The following ZC3H14 variants were observed in gnomAD, a reference collection of about 807,000 sequenced individuals.
ZC3H14 encodes zinc finger CCCH-type containing 14, also known as zinc finger CCCH domain-containing protein 14.
A neutral mutation model predicts 92.4 loss-of-function variants in ZC3H14; 31 were observed. The ratio of observed to expected loss-of-function variants is 0.34; its 90% CI spans 0.25 to 0.45. The LOEUF (loss-of-function observed/expected upper bound fraction) is 0.45, where lower values mean the gene tolerates loss of function less well. ZC3H14 is among the 20% of genes least tolerant of loss of function. ZC3H14 has a pLI of 1.00. For missense variants in ZC3H14, 781 were observed against 897.3 expected, an observed-to-expected ratio of 0.87 and a Z score of 1.66; for synonymous variants, 321 against 300.9, an observed-to-expected ratio of 1.07 and a Z score of -0.69.
chr14:88,574,881 C>T, intron 7 of ZC3H14, 28 bp downstream of exon 7: 1 of 1,613,890 alleles, frequency 6.2e-7, no homozygotes, highest in East Asian at 2.2e-5. Flanking sequence ...GTAAATTAAT[C>T]TTTAACTGCC....
intron 6 of ZC3H14, chr14:88,573,842 C>G (rs1480233764): frequency 6.6e-6 from 1 of 152,314 alleles, no homozygotes; most frequent in Non-Finnish European, 1.5e-5. Context: ...GTCTTGAACT[C>G]CTGACCTCAG....
rs565307934 is a variant in ZC3H14 at position 88,612,083 on chromosome 14, A to G, written c.*332A>G. On this transcript the variant is annotated 3_prime_UTR_variant, in exon 17 of 17. Coordinates refer to ENST00000251038, the MANE Select transcript of ZC3H14 (RefSeq NM_024824.5). ...ACATCATGGTTAGTCATGGTACTGCAGCTTAGGGGGCTACACGGTTGCTGT... is the reference window on the plus strand; with the variant it reads ...ACATCATGGTTAGTCATGGTACTGCGGCTTAGGGGGCTACACGGTTGCTGT... 124 of 337,776 alleles carry G rather than the reference A, an allele frequency of 3.7e-4. 1 individual carries two copies. In the South Asian group the frequency reaches 4.7e-3, roughly 13 times the overall value. 20.9% of individuals were successfully genotyped at this position (337,776 alleles called of 1,614,324 possible). A position where few individuals can be genotyped will look rare whatever the true frequency, so the allele number is the denominator to read the frequency against.
rs2088970711 is a variant in ZC3H14, at chr14:88,621,691, GGC to G, written c.*9941_*9942del. ...AAGCTTAACTACAATTTAATATGCA[GGC>G]TGAAGATAATATCCGTATGATTTAT... On this transcript the variant is annotated 3_prime_UTR_variant, in exon 17 of 17. Coordinates refer to ENST00000251038, the MANE Select transcript of ZC3H14 (RefSeq NM_024824.5). 1 of 276,476 alleles carries G rather than the reference GGC, an allele frequency of 3.6e-6. No homozygotes were observed. The highest frequency in any genetic ancestry group is 4.5e-5 in the Admixed American group (1 of 22,406). The allele number at this position is 276,476 out of a possible 1,614,324, so 17.1% of individuals were successfully genotyped here.
At position 88,611,882 on chromosome 14, in the gene ZC3H14, C is replaced by A; in HGVS notation, c.*131C>A. The A allele has an allele frequency of 1.6e-6, 2 of 1,261,560 alleles. No individual in the cohort carries two copies. The highest frequency in any genetic ancestry group is 2.3e-6 in the Non-Finnish European group (2 of 887,876). The allele number at this position is 1,261,560 out of a possible 1,614,324, so 78.1% of individuals were successfully genotyped here. A position where few individuals can be genotyped will look rare whatever the true frequency, so the allele number is the denominator to read the frequency against. On this transcript the variant is annotated 3_prime_UTR_variant, in exon 17 of 17. Transcript: ENST00000251038. ...CTTTCATAATATGAAGTTTTATTGC[C>A]TATCTATCTGAAGTGTCTAATTTTT...
intron 9 of ZC3H14, among the ~76,000 whole-genome samples, chr14:88,588,390 A>G (rs1195180808): frequency 6.6e-6 from 1 of 152,226 alleles, no homozygotes; most frequent in Non-Finnish European, 1.5e-5. Flanking sequence ...ATCTGAAGCT[A>G]TCCTTGTACT....
intron 10 of ZC3H14, among the ~76,000 whole-genome samples, chr14:88,599,084 TCAAA>T (rs1225575246): frequency 1.3e-5 from 2 of 152,202 alleles, no homozygotes; most frequent in African/African-American, 2.4e-5. Flanking sequence ...CAAGACTGTC[TCAAA>T]CAAAGAAAAC....
intron 9 of ZC3H14, among the ~76,000 whole-genome samples, chr14:88,585,236 GTCA>G: frequency 6.6e-6 from 1 of 152,236 alleles, no homozygotes; most frequent in Non-Finnish European, 1.5e-5. Context: ...ATTACTTTCT[GTCA>G]TCATTGCTGA....
intron 9 of ZC3H14, among the ~76,000 whole-genome samples, chr14:88,593,604 T>G (rs2083425190): frequency 6.6e-6 from 1 of 152,168 alleles, no homozygotes; most frequent in Admixed American, 6.5e-5. Context: ...TTGGCAGCGG[T>G]GTTAAGACAG....
chr14:88,576,067 C>G, intron 8 of ZC3H14, 127 bp downstream of exon 8: 1 of 811,278 alleles, frequency 1.2e-6, no homozygotes, highest in Non-Finnish European at 1.9e-6. Flanking sequence ...AGATGAGGTT[C>G]CCATATAGAA....
At chr14:88,609,089 A>ATAAATGAT (rs577607589) in intron 13 of ZC3H14, 178 bp from the exon 14 acceptor site, 107 of 755,164 alleles carry the variant, frequency 1.4e-4, no homozygotes, top group Non-Finnish European at 2.1e-4. Flanking sequence ...AAGCTTTGGA[A>ATAAATGAT]TAAATGATTG....
chr14:88,597,091 C>A (rs540936292), intron 10 of ZC3H14, among the ~76,000 whole-genome samples: 12 of 152,248 alleles, frequency 7.9e-5, no homozygotes, highest in Middle Eastern at 3.4e-3. Flanking sequence ...GAGTGACCTG[C>A]GTTTCTGATT....
Position 88,613,470 on chromosome 14 carries a change from C to T in ZC3H14, c.*1719C>T, listed in dbSNP as rs1271169247. The T allele has an allele frequency of 6.6e-6, 1 of 152,114 alleles. No individual in the cohort carries two copies. Among genetic ancestry groups the T allele is most frequent in the East Asian group, 1.9e-4 (1 of 5,198 alleles). The allele number at this position is 152,114 out of a possible 1,614,324, so 9.4% of individuals were successfully genotyped here. ...TGGGAAACAAGGGTTTAATTTAGTT[C>T]AGCCATTTTACAAGGAAATAATAAA... On this transcript the variant is annotated 3_prime_UTR_variant, in exon 17 of 17. Coordinates refer to ENST00000251038, the MANE Select transcript of ZC3H14 (RefSeq NM_024824.5).
At position 88,574,720 on chromosome 14, in the gene ZC3H14, C is replaced by T. The variant is rs2080938225; in HGVS notation, c.889C>T (p.Pro297Ser). ...EDENFRKRKL[P>S]VVSSVVKVKK... ...TGAAAACTTTCGGAAGAGAAAGTTG[C>T]CTGTGGTAAGTTCAGTTGTTAAAGT... The change falls in exon 7 of 17, where the codon CCT (proline) becomes TCT (serine). Residue 297 changes from proline to serine, a missense_variant. Pro to Ser is a moderately conservative substitution (Grantham distance 74). Transcript: ENST00000251038. 6.2e-7 allele frequency: 1 copy of T among 1,613,766 alleles called. No homozygotes were observed. The highest frequency in any genetic ancestry group is 1.3e-5 in the African/African-American group (1 of 74,840).
chr14:88,621,041 C>G lies in ZC3H14; in HGVS notation c.*9290C>G. On this transcript the variant is annotated 3_prime_UTR_variant, in exon 17 of 17. Coordinates refer to ENST00000251038, the MANE Select transcript of ZC3H14 (RefSeq NM_024824.5). The stretch of plus-strand genomic sequence containing the variant: ...CAGAATTCTGGCAGTTCTTTAAGTA[C>G]TAGCAATTTAGAACTTCCAACTTTT... 3.3e-6 allele frequency: 5 copies of G among 1,504,494 alleles called. No homozygotes were observed. The highest frequency in any genetic ancestry group is 2.4e-5 in the East Asian group (1 of 41,362). 93.2% of individuals were successfully genotyped at this position (1,504,494 alleles called of 1,614,324 possible).
intron 9 of ZC3H14, chr14:88,590,995 G>GC (rs140285150): frequency 0.26 from 39,350 of 152,060 alleles, 5,090 homozygotes; most frequent in East Asian, 0.32. Context: ...CTCATCTGCT[G>GC]CACCTTGTAA....
chr14:88,584,106 T>C (rs183322154), intron 9 of ZC3H14, among the ~76,000 whole-genome samples: 17 of 152,328 alleles, frequency 1.1e-4, no homozygotes, highest in Non-Finnish European at 2.4e-4. Context: ...TTGCCTGATA[T>C]TAATATAGCC....
intron 3 of ZC3H14, among the ~76,000 whole-genome samples, chr14:88,569,280 G>C (rs751048897): frequency 6.6e-6 from 1 of 151,964 alleles, no homozygotes; most frequent in Non-Finnish European, 1.5e-5. Flanking sequence ...TAGAGGGCAA[G>C]GTTTTCTGTT....
intron 2 of ZC3H14, among the ~76,000 whole-genome samples, chr14:88,564,664 A>G (rs2079338424): frequency 6.6e-6 from 1 of 152,248 alleles, no homozygotes; most frequent in Admixed American, 6.5e-5. Flanking sequence ...TAGTAACACC[A>G]TAATGAAATC....
At chr14:88,601,815 T>G in intron 10 of ZC3H14, 109 bp from the exon 11 acceptor site, 1 of 1,318,428 alleles carries the variant, frequency 7.6e-7, no homozygotes, top group Non-Finnish European at 1.1e-6. Flanking sequence ...TGATTTTCCT[T>G]TGAAATAATT....
Sources: allele counts gnomAD v4.1 joint callset (sites outside exome capture counted in the v4.1 genomes callset), GRCh38; gene constraint gnomAD v4.1.1; transcripts MANE v1.5; gene names NCBI Gene and HGNC (gene_info 2026-07-23, HGNC 2026-07-21).